KMT5B: variants seen among roughly 807,000 people sequenced by gnomAD.
The protein encoded by KMT5B is lysine methyltransferase 5B, also known as histone-lysine N-methyltransferase KMT5B.
KMT5B carries 10 observed loss-of-function variants against 83.2 expected under a neutral mutation model. The ratio of observed to expected loss-of-function variants is 0.12; its 90% CI spans 0.07 to 0.20. The LOEUF is 0.20. KMT5B is among the 10% of genes least tolerant of loss of function. The pLI is 1.00. For missense variants in KMT5B, 753 were observed against 1,067.2 expected (o/e 0.71, Z 4.10); for synonymous variants, 349 against 388.8 (o/e 0.90, Z 1.20).
At chr11:68,166,538 T>G in intron 10 of KMT5B, 1 of 1,005,920 alleles carries the variant, frequency 9.9e-7, no homozygotes, top group Non-Finnish European at 1.2e-6. Context: ...AATGAAAAGG[T>G]GGAAGCCTTA....
chr11:68,165,046 C>T (rs1023974273), intron 10 of KMT5B, among the ~76,000 whole-genome samples: 2 of 152,204 alleles, frequency 1.3e-5, no homozygotes, highest in Admixed American at 6.5e-5. Flanking sequence ...GTATTCTTAT[C>T]TTTTAAACTA....
At chr11:68,193,160 T>C (rs745836162) in intron 1 of KMT5B, among the ~76,000 whole-genome samples, 29 of 152,216 alleles carry the variant, frequency 1.9e-4, no homozygotes, top group Non-Finnish European at 4.0e-4. Flanking sequence ...CTTAAGATCA[T>C]CAGTGCAACT....
chr11:68,166,034 C>T, intron 10 of KMT5B: 2 of 1,598,850 alleles, frequency 1.3e-6, no homozygotes, highest in East Asian at 2.2e-5. Context: ...TCTCAGAGGG[C>T]TCTAAGGTGC....
At chr11:68,182,650 C>A (rs17148921) in intron 3 of KMT5B, among the ~76,000 whole-genome samples, 15,149 of 151,176 alleles carry the variant, frequency 0.1, 831 homozygotes, top group East Asian at 0.23. Flanking sequence ...TTGAAGATGC[C>A]AGTAACAGGC....
At chr11:68,166,899 T>G in intron 10 of KMT5B, 83 bp downstream of exon 10, 1 of 1,558,818 alleles carries the variant, frequency 6.4e-7, no homozygotes, top group Non-Finnish European at 8.7e-7. Context: ...TTTAAAAGTT[T>G]AAAACTACTG....
chr11:68,207,213 C>CAA (rs371793366), intron 1 of KMT5B, among the ~76,000 whole-genome samples: 18 of 112,546 alleles, frequency 1.6e-4, no homozygotes, highest in Admixed American at 2.5e-4. Flanking sequence ...GACTCCGTTT[C>CAA]AAAAAAAAAA....
rs184694662 is a variant in KMT5B, at chr11:68,180,108, T to C, written c.377+24A>G. 1.1e-4 allele frequency: 176 copies of C among 1,570,392 alleles called. No individual in the cohort carries two copies. In the East Asian group the frequency reaches 3.5e-3, roughly 31 times the overall value. On this transcript the variant is annotated intron_variant, in intron 4 of 10. Coordinates refer to ENST00000304363, the MANE Select transcript of KMT5B (RefSeq NM_017635.5). ...CTAGAATGGGTTAGTCAGTATCTCA[T>C]TGTTTTTAACACACACTACCTACCT...
At chr11:68,188,022 TTTTC>T (rs1288407666) in intron 2 of KMT5B, among the ~76,000 whole-genome samples, 143 of 151,774 alleles carry the variant, frequency 9.4e-4, no homozygotes, top group African/African-American at 3.4e-3. Flanking sequence ...CCATTTTCCT[TTTTC>T]TTTTTTTTTT....
rs1392236910 is a variant in KMT5B at position 68,158,006 on chromosome 11, C to T, written c.2340G>A (p.Gln780=). 2.5e-6 allele frequency: 4 copies of T among 1,614,154 alleles called. No homozygotes were observed. The highest frequency in any genetic ancestry group is 3.4e-6 in the Non-Finnish European group (4 of 1,180,020). Residue 780 remains glutamine (Q), a synonymous_variant, in exon 11 of 11, where the codon CAG becomes CAA. Transcript: ENST00000304363. ...SGSSSTKLKI[Q]LKRDEENRGS... ...CCCTATTTTCCTCATCTCGTTTTAGCTGGATTTTTAATTTTGTAGAACTAC... is the reference window on the plus strand; with the variant it reads ...CCCTATTTTCCTCATCTCGTTTTAGTTGGATTTTTAATTTTGTAGAACTAC...
intron 5 of KMT5B, chr11:68,174,228 TAAAC>T (rs973082678): frequency 4.7e-6 from 2 of 421,774 alleles, no homozygotes; most frequent in Admixed American, 3.5e-5. Context: ...AACAATAAAA[TAAAC>T]AAAAAAAGTA....
intron 4 of KMT5B, chr11:68,179,451 A>C: frequency 1.5e-6 from 2 of 1,303,406 alleles, no homozygotes; most frequent in Non-Finnish European, 2.0e-6. Context: ...AAAACATATG[A>C]ATTCACACTC....
At chr11:68,209,422 A>G (rs2153092243) in intron 1 of KMT5B, among the ~76,000 whole-genome samples, 1 of 152,316 alleles carries the variant, frequency 6.6e-6, no homozygotes, top group East Asian at 1.9e-4. Flanking sequence ...GGGGAAAAAA[A>G]GTTAACAGGG....
At chr11:68,208,819 C>T (rs1860504872) in intron 1 of KMT5B, among the ~76,000 whole-genome samples, 1 of 152,214 alleles carries the variant, frequency 6.6e-6, no homozygotes, top group South Asian at 2.1e-4. Flanking sequence ...CCACTGCTCT[C>T]CAGCCTGGGA....
At chr11:68,178,060 G>A (rs1022620059) in intron 4 of KMT5B, among the ~76,000 whole-genome samples, 5 of 152,182 alleles carry the variant, frequency 3.3e-5, no homozygotes, top group African/African-American at 9.6e-5. Context: ...CAGATAACCC[G>A]TGCTTTGTGT....
chr11:68,163,421 A>G (rs1855027815), intron 10 of KMT5B, among the ~76,000 whole-genome samples: 1 of 152,324 alleles, frequency 6.6e-6, no homozygotes. Flanking sequence ...TAAGGCATAT[A>G]CAGAAGAATT....
chr11:68,192,033 G>A (rs1858146205), intron 1 of KMT5B, among the ~76,000 whole-genome samples: 1 of 152,198 alleles, frequency 6.6e-6, no homozygotes, highest in Non-Finnish European at 1.5e-5. Flanking sequence ...ACAGTAGTCA[G>A]TACAGTAACA....
intron 10 of KMT5B, chr11:68,166,544 C>A: frequency 3.0e-6 from 3 of 1,007,666 alleles, no homozygotes; most frequent in East Asian, 9.8e-5. Context: ...AAGGTGGAAG[C>A]CTTAAGGCCA....
chr11:68,189,611 G>A (rs897717218), intron 2 of KMT5B: 3 of 206,940 alleles, frequency 1.4e-5, no homozygotes, highest in African/African-American at 6.9e-5. Context: ...TAACCTGTAA[G>A]AAGTTCAATT....
intron 1 of KMT5B, among the ~76,000 whole-genome samples, chr11:68,204,415 T>C (rs760292549): frequency 1.3e-5 from 2 of 152,126 alleles, no homozygotes; most frequent in African/African-American, 2.4e-5. Context: ...AGAGGGAGAT[T>C]TGACACCTCA....
Sources: gnomAD v4.1 joint callset for allele counts (sites outside exome capture counted in the v4.1 genomes callset) on GRCh38, gnomAD v4.1.1 for gene constraint, MANE v1.5 for transcripts, NCBI Gene and HGNC (gene_info 2026-07-23, HGNC 2026-07-21) for gene names.